The following FAAH variants were observed in gnomAD, a reference collection of about 807,000 sequenced individuals.
FAAH encodes the protein fatty acid amide hydrolase.
FAAH carries 63 observed loss-of-function variants against 69.7 expected under a neutral mutation model. The observed-to-expected ratio is 0.90, with a 90% confidence interval of 0.74 to 1.12. The LOEUF (loss-of-function observed/expected upper bound fraction) is 1.12, where lower values mean the gene tolerates loss of function less well. Ranked by LOEUF, FAAH falls within the 50% of genes most tolerant of loss-of-function variation. FAAH has a pLI of 0.00. For missense variants in FAAH, 680 were observed against 755.0 expected (o/e 0.90, Z 1.16); for synonymous variants, 305 against 324.2 (o/e 0.94, Z 0.64).
Position 46,411,802 on chromosome 1 carries a change from G to A in FAAH, c.1356+151G>A. 2.2e-6 allele frequency: 2 copies of A among 894,096 alleles called. No homozygotes were observed. The highest frequency in any genetic ancestry group is 3.5e-6 in the Non-Finnish European group (2 of 567,528). The allele number at this position is 894,096 out of a possible 1,614,324, so 55.4% of individuals were successfully genotyped here. ...TTCCACTCCCTGGACCACCACTTGG[G>A]CCCAGCTCTCTGACCCTTACTTGCC... On this transcript the variant is annotated intron_variant, in intron 12 of 14. Transcript: ENST00000243167. This position sits in a 1 kb window ranked among gnomAD's most constrained non-coding sequence, Gnocchi z 4.8.
At position 46,397,529 on chromosome 1, in the gene FAAH, C is replaced by T. The variant is rs324417; in HGVS notation, c.195+2986C>T. Among the ~76,000 whole-genome samples, 378 of 152,220 alleles carry T rather than the reference C, an allele frequency of 2.5e-3. 1 individual carries two copies. Among genetic ancestry groups the T allele is most frequent in the African/African-American group, 8.6e-3 (356 of 41,530 alleles). ...ATTGACAATAGCTTTGTAGGCTTTG[C>T]GGGGGAGTAGGATTTTTTTTTGGTT... On this transcript the variant is annotated intron_variant, in intron 1 of 14. Transcript: ENST00000243167.
In FAAH at chr1:46,406,267, G is replaced by A. The variant is rs1451441982; in HGVS notation, c.850G>A (p.Ala284Thr). ...AGTGCGTCTCTCCGTGGGCCCCATG[G>A]CCCGGGACGTGGAGAGCCTGGCACT... ...EAVRLSVGPM[A>T]RDVESLALCL... is the part of the protein sequence containing the mutation. The change falls in exon 7 of 15, where the codon GCC becomes ACC. Residue 284 changes from alanine (A) to threonine (T), a missense_variant. Physicochemically the swap from Ala to Thr is moderately conservative, Grantham distance 58. Coordinates refer to ENST00000243167, the MANE Select transcript of FAAH (RefSeq NM_001441.3). 1 of 1,614,078 alleles carries A rather than the reference G, an allele frequency of 6.2e-7. No individual in the cohort carries two copies. Among genetic ancestry groups the A allele is most frequent in the Admixed American group, 1.7e-5 (1 of 60,038 alleles).
In FAAH at chr1:46,410,758, T is replaced by C; in HGVS notation, c.1276-56T>C. The C allele has an allele frequency of 6.2e-7, 1 of 1,611,656 alleles. No individual in the cohort carries two copies. Among genetic ancestry groups the C allele is most frequent in the Non-Finnish European group, 8.5e-7 (1 of 1,177,838 alleles). ...CCCCAGTGGCTTGGCCTGAAGAAGG[T>C]TGACGTCTGCCGTGGCCCAGAGCTG... On this transcript the variant is annotated intron_variant, in intron 10 of 14. Transcript: ENST00000243167. The surrounding 1 kb of genome is among the most constrained non-coding windows in gnomAD (Gnocchi z 4.9).
chr1:46,410,453 C>T lies in FAAH; in HGVS notation c.1231C>T (p.Pro411Ser), dbSNP rs368732564. ...LGDLVSILKLPQWLKGLLAFL... is the reference protein window; with the variant it reads ...LGDLVSILKLSQWLKGLLAFL... ...GGACCTGGTCTCAATTCTGAAGCTT[C>T]CCCAATGGCTTAAAGGACTGCTGGC... is the stretch of plus-strand genomic sequence containing the variant. The change falls in exon 10 of 15, where the codon CCC becomes TCC. Residue 411 changes from proline (P) to serine (S), a missense_variant. Coordinates refer to ENST00000243167, the MANE Select transcript of FAAH (RefSeq NM_001441.3). This position sits in a 1 kb window ranked among gnomAD's most constrained non-coding sequence, Gnocchi z 4.9. The T allele has an allele frequency of 3.1e-6, 5 of 1,613,984 alleles. No homozygotes were observed. The African/African-American group carries it at 4.0e-5, about 13-fold the overall frequency.
In FAAH at chr1:46,412,303, G is replaced by T. The variant is rs952721391; in HGVS notation, c.1465+52G>T. ...TTCTGTGAATCTGGCCATGTGCCCT[G>T]CAGGGCTGCGAGGAAATGGAAGAAG... On this transcript the variant is annotated intron_variant, in intron 13 of 14. Transcript: ENST00000243167. The T allele has an allele frequency of 2.1e-6, 3 of 1,445,008 alleles. 1 individual carries two copies. In the Middle Eastern group the frequency reaches 6.0e-4, roughly 291 times the overall value. The allele number at this position is 1,445,008 out of a possible 1,614,324, so 89.5% of individuals were successfully genotyped here. A position where few individuals can be genotyped will look rare whatever the true frequency, so the allele number is the denominator to read the frequency against.
chr1:46,401,371 G>C (rs1409426030), intron 1 of FAAH, among the ~76,000 whole-genome samples: 1 of 152,086 alleles, frequency 6.6e-6, no homozygotes, highest in African/African-American at 2.4e-5. Context: ...TCACTGTGAG[G>C]GTCTGCGGCT....
chr1:46,411,042 G>A lies in FAAH; in HGVS notation c.1316+188G>A. 2 of 740,760 alleles carry A rather than the reference G, an allele frequency of 2.7e-6. No homozygotes were observed. Among genetic ancestry groups the A allele is most frequent in the Non-Finnish European group, 2.4e-6 (1 of 416,952 alleles). 45.9% of individuals were successfully genotyped at this position (740,760 alleles called of 1,614,324 possible). A position where few individuals can be genotyped will look rare whatever the true frequency, so the allele number is the denominator to read the frequency against. ...GTTGTCTTGGCAAGGTCCAGTTCTG[G>A]CTGGAGAGCAAAGGCCTGAGGGGGA... On this transcript the variant is annotated intron_variant, in intron 11 of 14. Transcript: ENST00000243167. This position sits in a 1 kb window ranked among gnomAD's most constrained non-coding sequence, Gnocchi z 4.8.
intron 1 of FAAH, among the ~76,000 whole-genome samples, chr1:46,399,023 T>C (rs908426604): frequency 3.9e-5 from 6 of 152,340 alleles, no homozygotes; most frequent in African/African-American, 4.8e-5. Flanking sequence ...TGATATCTTT[T>C]CTAGACCGAA....
At position 46,405,830 on chromosome 1, in the gene FAAH, T is replaced by A; in HGVS notation, c.785+36T>A. 6.2e-7 allele frequency: 1 copy of A among 1,611,034 alleles called. No individual in the cohort carries two copies. The highest frequency in any genetic ancestry group is 8.5e-7 in the Non-Finnish European group (1 of 1,178,932). On this transcript the variant is annotated intron_variant, in intron 5 of 14. Transcript: ENST00000243167. The surrounding 1 kb of genome is among the most constrained non-coding windows in gnomAD (Gnocchi z 4.1). ...TGGAGGGCGCTTCTGGGCCCCTCGC[T>A]GTGTGACCTTGGCCTAGCTTCCAAC...
At position 46,410,640 on chromosome 1, in the gene FAAH, G is replaced by T; in HGVS notation, c.1275+143G>T. The T allele has an allele frequency of 1.9e-6, 2 of 1,075,858 alleles. No individual in the cohort carries two copies. The highest frequency in any genetic ancestry group is 2.9e-6 in the Non-Finnish European group (2 of 698,748). The allele number at this position is 1,075,858 out of a possible 1,614,324, so 66.6% of individuals were successfully genotyped here. ...CTTCTCTCCAGTCCCCACCCAGACT[G>T]CTCTCCTCCTCTGTCCCCTGCGATC... is the stretch of plus-strand genomic sequence containing the variant. On this transcript the variant is annotated intron_variant, in intron 10 of 14. Coordinates refer to ENST00000243167, the MANE Select transcript of FAAH (RefSeq NM_001441.3). This position sits in a 1 kb window ranked among gnomAD's most constrained non-coding sequence, Gnocchi z 4.9.
rs776145702 is a variant in FAAH at position 46,408,496 on chromosome 1, A to ACCCCACCTCATAGT, written c.989_990insCCCCACCTCATAGT (p.Glu331ProfsTer4). The ACCCCACCTCATAGT allele has an allele frequency of 3.1e-6, 5 of 1,614,080 alleles. No individual in the cohort carries two copies. In the African/African-American group the frequency reaches 4.0e-5, roughly 13 times the overall value. On this transcript the variant is annotated stop_gained and frameshift_variant, in exon 8 of 15. Transcript: ENST00000243167. LOFTEE classifies it high-confidence loss of function. The stretch of plus-strand genomic sequence containing the variant: ...TCTCAGCCCCTGCGTGTGGGGTACT[A>ACCCCACCTCATAGT]TGAGACTGACAACTATACCATGCCC...
Position 46,406,228 on chromosome 1 carries a change from C to T in FAAH, c.827-16C>T. The T allele has an allele frequency of 6.2e-7, 1 of 1,614,088 alleles. No individual in the cohort carries two copies. ...GCTCCTTGTCTGCTTACCTCCCTCA[C>T]CTCTCTGCCCCACAGTGCGTCTCTC... On this transcript the variant is annotated splice_polypyrimidine_tract_variant and intron_variant, in intron 6 of 14. Coordinates refer to ENST00000243167, the MANE Select transcript of FAAH (RefSeq NM_001441.3).
chr1:46,407,944 G>A (rs1006455159), intron 7 of FAAH, among the ~76,000 whole-genome samples: 1 of 152,168 alleles, frequency 6.6e-6, no homozygotes, highest in African/African-American at 2.4e-5. Flanking sequence ...TGGGAGTGGG[G>A]CAGCAGGGCA....
Position 46,405,531 on chromosome 1 carries a change from G to GGGGCT in FAAH, c.578+30_578+31insTGGGC, listed in dbSNP as rs1410366914. ...GTTGGGTCTTGGGGTGGGGCGGGGC[G>GGGGCT]GGGCAGGGGCACCGGTCCCAGCATG... On this transcript the variant is annotated intron_variant, in intron 4 of 14. Transcript: ENST00000243167. This position sits in a 1 kb window ranked among gnomAD's most constrained non-coding sequence, Gnocchi z 4.1. 3.1e-6 allele frequency: 5 copies of GGGGCT among 1,612,166 alleles called. No individual in the cohort carries two copies. Among genetic ancestry groups the GGGGCT allele is most frequent in the Non-Finnish European group, 4.2e-6 (5 of 1,179,712 alleles).
chr1:46,409,448 G>A (rs1664861308), intron 9 of FAAH, among the ~76,000 whole-genome samples: 1 of 152,142 alleles, frequency 6.6e-6, no homozygotes, highest in African/African-American at 2.4e-5. Context: ...TTGTTGTGAG[G>A]TAGGAGGTGG....
intron 1 of FAAH, among the ~76,000 whole-genome samples, chr1:46,396,846 G>A (rs1370189421): frequency 6.7e-6 from 1 of 150,270 alleles, no homozygotes. Context: ...CCCCACACAT[G>A]TGTTGCGGTT....
At position 46,394,380 on chromosome 1, in the gene FAAH, C is replaced by A; in HGVS notation, c.32C>A (p.Pro11His). 1 of 1,545,994 alleles carries A rather than the reference C, an allele frequency of 6.5e-7. No homozygotes were observed. The highest frequency in any genetic ancestry group is 2.6e-5 in the East Asian group (1 of 37,944). The change falls in exon 1 of 15, where the codon CCT becomes CAT. Residue 11 changes from proline to histidine, a missense_variant. Physicochemically the swap from Pro to His is moderately conservative, Grantham distance 77 (BLOSUM62 -2). Coordinates refer to ENST00000243167, the MANE Select transcript of FAAH (RefSeq NM_001441.3). The part of the protein sequence containing the change: MVQYELWAAL[P>H]GASGVALACC... Reference sequence around the variant, plus strand: ...CAGTACGAGCTGTGGGCCGCGCTGCCTGGCGCCTCCGGGGTCGCCCTGGCC... The same window carrying A: ...CAGTACGAGCTGTGGGCCGCGCTGCATGGCGCCTCCGGGGTCGCCCTGGCC...
At chr1:46,397,425 CAGG>C (rs1354198102) in intron 1 of FAAH, among the ~76,000 whole-genome samples, 3 of 152,172 alleles carry the variant, frequency 2.0e-5, no homozygotes, top group Non-Finnish European at 2.9e-5. Flanking sequence ...TTGGCTCTTT[CAGG>C]AGGAGAAGCG....
intron 13 of FAAH, among the ~76,000 whole-genome samples, chr1:46,412,872 G>T (rs1429161112): frequency 3.3e-5 from 5 of 152,186 alleles, no homozygotes; most frequent in South Asian, 4.1e-4. Flanking sequence ...CATGGGCAAA[G>T]GCATGGGGCA....
Sources: gnomAD v4.1 joint callset for allele counts (sites outside exome capture counted in the v4.1 genomes callset) on GRCh38, gnomAD v4.1.1 for gene constraint, Gnocchi (gnomAD v3.1) non-coding constraint, MANE v1.5 for transcripts, NCBI Gene and HGNC (gene_info 2026-07-23, HGNC 2026-07-21) for gene names.